The following TRIM71 variants were observed in gnomAD, a reference collection of about 807,000 sequenced individuals.
TRIM71 encodes the protein tripartite motif containing 71.
A neutral mutation model predicts 61.2 loss-of-function variants in TRIM71; 9 were observed. The observed-to-expected ratio is 0.15, with a 90% CI of 0.09 to 0.26. TRIM71 has a LOEUF of 0.26. Among genes scored for constraint, TRIM71 ranks in the 10% least tolerant of loss-of-function variants. The probability of loss-of-function intolerance (pLI) is 1.00; values close to 1 mark genes in which losing one functional copy is unlikely to be tolerated. For missense variants in TRIM71, 998 were observed against 1,238.7 expected (o/e 0.81, Z 2.92); for synonymous variants, 645 against 553.2 (o/e 1.17, Z -2.33).
intron 1 of TRIM71, among the ~76,000 whole-genome samples, chr3:32,865,814 CCTTT>C (rs1696729036): frequency 3.1e-5 from 1 of 31,772 alleles, no homozygotes; most frequent in Non-Finnish European, 6.1e-5. Flanking sequence ...CCCCGCCCCA[CCTTT>C]TTTTTTTTTT....
chr3:32,820,091 C>T (rs1183082747), intron 1 of TRIM71, among the ~76,000 whole-genome samples: 1 of 152,200 alleles, frequency 6.6e-6, no homozygotes, highest in African/African-American at 2.4e-5. Context: ...AGGCGATCTA[C>T]CTGTAGACCG....
intron 1 of TRIM71, among the ~76,000 whole-genome samples, chr3:32,834,548 C>G (rs1013519922): frequency 1.3e-5 from 2 of 152,000 alleles, no homozygotes; most frequent in Non-Finnish European, 2.9e-5. Context: ...CTAGTATAGC[C>G]AGTTTTAAAG....
chr3:32,837,504 C>T (rs1373900300), intron 1 of TRIM71, among the ~76,000 whole-genome samples: 1 of 152,164 alleles, frequency 6.6e-6, no homozygotes, highest in Non-Finnish European at 1.5e-5. Flanking sequence ...TGGCTTACTA[C>T]TGATCTGAGG....
chr3:32,889,600 T>TTAC (rs770863481), intron 3 of TRIM71, among the ~76,000 whole-genome samples: 3 of 148,990 alleles, frequency 2.0e-5, no homozygotes, highest in Non-Finnish European at 4.5e-5. Flanking sequence ...ATTATTATTA[T>TTAC]TATTTTGAGA....
intron 1 of TRIM71, among the ~76,000 whole-genome samples, chr3:32,868,396 G>A (rs1393867209): frequency 2.0e-5 from 3 of 152,190 alleles, no homozygotes; most frequent in African/African-American, 7.2e-5. Flanking sequence ...TAGGGATTCT[G>A]TAAAGAACAA....
At chr3:32,843,585 C>A (rs571604020) in intron 1 of TRIM71, among the ~76,000 whole-genome samples, 1 of 152,174 alleles carries the variant, frequency 6.6e-6, no homozygotes, top group Admixed American at 6.5e-5. Context: ...CCCTCCCTTT[C>A]CCTGCCAGCT....
chr3:32,857,926 G>A lies in TRIM71; in HGVS notation c.853-15892G>A, dbSNP rs567813543. ...GCGGAGGCTGCAGCAAGCCGAGATC[G>A]CACCACTGCACTCTAGCCTGGGTGA... On this transcript the variant is annotated intron_variant, in intron 1 of 3. Transcript: ENST00000383763. Among the ~76,000 whole-genome samples the A allele has an allele frequency of 2.1e-3, 327 of 152,182 alleles. 1 individual carries two copies. The highest frequency in any genetic ancestry group is 7.5e-3 in the African/African-American group (313 of 41,530).
At chr3:32,837,555 C>T (rs1200228775) in intron 1 of TRIM71, among the ~76,000 whole-genome samples, 2 of 152,186 alleles carry the variant, frequency 1.3e-5, no homozygotes, top group Non-Finnish European at 2.9e-5. Flanking sequence ...CGTGGTGGCT[C>T]ATGCCTGTAA....
intron 1 of TRIM71, among the ~76,000 whole-genome samples, chr3:32,830,400 C>G (rs13089796): frequency 6.6e-6 from 1 of 151,860 alleles, no homozygotes; most frequent in Non-Finnish European, 1.5e-5. Context: ...ATTACCAGAA[C>G]GATAATTTAG....
chr3:32,857,629 G>A (rs1696619639), intron 1 of TRIM71, among the ~76,000 whole-genome samples: 1 of 152,124 alleles, frequency 6.6e-6, no homozygotes, highest in Admixed American at 6.5e-5. Context: ...CATGTATTAT[G>A]TGCTGCTATA....
intron 2 of TRIM71, among the ~76,000 whole-genome samples, chr3:32,877,838 A>T (rs1293574387): frequency 6.6e-6 from 1 of 152,030 alleles, no homozygotes; most frequent in Non-Finnish European, 1.5e-5. Context: ...CCCAACCCTA[A>T]TCAGTGACCT....
chr3:32,887,671 T>G (rs1274617672), intron 3 of TRIM71, among the ~76,000 whole-genome samples: 1 of 152,120 alleles, frequency 6.6e-6, no homozygotes, highest in Non-Finnish European at 1.5e-5. Flanking sequence ...TTGGGCCTTA[T>G]GTATTTCCAG....
chr3:32,829,668 G>A (rs1010720338), intron 1 of TRIM71, among the ~76,000 whole-genome samples: 5 of 149,816 alleles, frequency 3.3e-5, no homozygotes, highest in Non-Finnish European at 7.5e-5. Flanking sequence ...GTGCGTGTGT[G>A]TGCATTGGAG....
chr3:32,867,824 GAAC>G (rs1269530347), intron 1 of TRIM71, among the ~76,000 whole-genome samples: 1 of 152,042 alleles, frequency 6.6e-6, no homozygotes, highest in African/African-American at 2.4e-5. Flanking sequence ...ATAGTATATG[GAAC>G]AACTTTTGTT....
chr3:32,845,172 A>G (rs9859378), intron 1 of TRIM71, among the ~76,000 whole-genome samples: 151,318 of 152,314 alleles, frequency 0.99, 75,177 homozygotes, highest in Middle Eastern at 1. Flanking sequence ...AAAAACAGCT[A>G]ATGCTGTGCT....
At chr3:32,820,291 G>A (rs1203786233) in intron 1 of TRIM71, among the ~76,000 whole-genome samples, 2 of 152,218 alleles carry the variant, frequency 1.3e-5, no homozygotes, top group Non-Finnish European at 2.9e-5. Flanking sequence ...CGGAGCTATT[G>A]CCTGATGGCC....
chr3:32,839,297 C>G (rs539578557), intron 1 of TRIM71, among the ~76,000 whole-genome samples: 1 of 151,896 alleles, frequency 6.6e-6, no homozygotes, highest in Non-Finnish European at 1.5e-5. Flanking sequence ...GTGGCATCAT[C>G]TCGGCTCACT....
chr3:32,860,164 CCCCTT>C (rs1243974252), intron 1 of TRIM71, among the ~76,000 whole-genome samples: 1 of 142,756 alleles, frequency 7.0e-6, no homozygotes, highest in African/African-American at 2.6e-5. Flanking sequence ...CCCCTCTCCT[CCCCTT>C]CCCTCTCTGA....
In TRIM71 at chr3:32,818,865, G is replaced by T; in HGVS notation, c.785G>T (p.Gly262Val). 6.2e-7 allele frequency: 1 copy of T among 1,612,418 alleles called. No individual in the cohort carries two copies. Among genetic ancestry groups the T allele is most frequent in the Non-Finnish European group, 8.5e-7 (1 of 1,179,778 alleles). ...CTCGGGCTCGGGCCGCCCTTTCCCG[G>T]CCCGCCCTTCTCCATCCTCTCAGTG... Reference protein sequence around the residue: ...QQLGLGPPFPGPPFSILSVFP... With the variant: ...QQLGLGPPFPVPPFSILSVFP... Residue 262 changes from glycine (G) to valine (V), a missense_variant, in exon 1 of 4, where the codon GGC becomes GTC. By Grantham distance (109) the Gly-to-Val change is moderately radical. Around this residue, in one of 5 missense-constraint regions of TRIM71, gnomAD observed 527 missense variants for 427.8 expected, o/e 1.23. Coordinates refer to ENST00000383763, the MANE Select transcript of TRIM71 (RefSeq NM_001039111.3).
Sources: allele counts gnomAD v4.1 joint callset (sites outside exome capture counted in the v4.1 genomes callset), GRCh38; gene constraint gnomAD v4.1.1; regional missense constraint gnomAD v4.1.1; transcripts MANE v1.5; gene names NCBI Gene and HGNC (gene_info 2026-07-23, HGNC 2026-07-21).